Variants in TNR observed in about 807,000 individuals in gnomAD.
TNR encodes tenascin R.
Under a neutral mutation model 150.4 loss-of-function variants are expected in TNR, and 45 were observed. The ratio of observed to expected loss-of-function variants is 0.30; its 90% CI spans 0.24 to 0.38. The LOEUF (loss-of-function observed/expected upper bound fraction) is 0.38. Among genes scored for constraint, TNR ranks in the 10% least tolerant of loss-of-function variants. The pLI is 1.00. For missense variants in TNR, 1,544 were observed against 1,759.1 expected, an observed-to-expected ratio of 0.88 and a Z score of 2.19; for synonymous variants, 687 against 678.4, an observed-to-expected ratio of 1.01 and a Z score of -0.20.
intron 2 of TNR, among the ~76,000 whole-genome samples, chr1:175,470,420 A>G (rs1222553519): frequency 6.6e-6 from 1 of 152,188 alleles, no homozygotes; most frequent in Non-Finnish European, 1.5e-5. Flanking sequence ...GCATGCCACT[A>G]ATGTCAGGAG....
chr1:175,714,839 G>A (rs2206058), intron 1 of TNR, among the ~76,000 whole-genome samples: 96,495 of 151,644 alleles, frequency 0.64, 31,851 homozygotes, highest in South Asian at 0.8. Flanking sequence ...AGCCTGCGGG[G>A]AGCCTTGTGA....
rs149460831 is a variant in TNR at position 175,624,283 on chromosome 1, T to TGCTGG, written c.-164-95919_-164-95915dup. 4.7e-3 allele frequency among the ~76,000 whole-genome samples: 711 copies of TGCTGG among 152,304 alleles called. 5 individuals are homozygous for TGCTGG. Among genetic ancestry groups the TGCTGG allele is most frequent in the African/African-American group, 0.016 (667 of 41,562 alleles). The stretch of plus-strand genomic sequence containing the variant: ...CTGGAAATAGATGATAGAGAGTGTG[T>TGCTGG]GCTGGGTTGATCATGTCCCTTCCCT... On this transcript the variant is annotated intron_variant, in intron 1 of 22. Coordinates refer to ENST00000367674, the MANE Select transcript of TNR (RefSeq NM_003285.3).
chr1:175,477,578 T>C (rs898664816), intron 2 of TNR, among the ~76,000 whole-genome samples: 11 of 152,124 alleles, frequency 7.2e-5, no homozygotes, highest in African/African-American at 2.4e-4. Flanking sequence ...GAGTGCACCA[T>C]CTAATGAAAA....
At chr1:175,392,283 C>T (rs529441047) in intron 6 of TNR, among the ~76,000 whole-genome samples, 5 of 152,232 alleles carry the variant, frequency 3.3e-5, no homozygotes, top group South Asian at 4.1e-4. Context: ...AGGGCACTGC[C>T]ATTCTCCCCT....
intron 2 of TNR, among the ~76,000 whole-genome samples, chr1:175,464,806 A>G (rs1656960499): frequency 6.6e-6 from 1 of 152,078 alleles, no homozygotes; most frequent in Admixed American, 6.5e-5. Flanking sequence ...CATTGACAAT[A>G]TTTATTTATT....
chr1:175,438,298 T>G (rs1007625775), intron 2 of TNR, among the ~76,000 whole-genome samples: 32 of 152,290 alleles, frequency 2.1e-4, no homozygotes, highest in African/African-American at 7.7e-4. Context: ...TCTCAATAGA[T>G]GTAGAAAAGG....
At chr1:175,447,444 C>T (rs1297095856) in intron 2 of TNR, among the ~76,000 whole-genome samples, 1 of 152,192 alleles carries the variant, frequency 6.6e-6, no homozygotes, top group African/African-American at 2.4e-5. Context: ...GTTCTGCCTT[C>T]TTCCCGGCCC....
At chr1:175,367,133 G>A (rs1054374907) in intron 10 of TNR, 75 bp downstream of exon 10, 1 of 1,344,594 alleles carries the variant, frequency 7.4e-7, no homozygotes. Flanking sequence ...ATTAATTTTT[G>A]CTGGGACGAG....
intron 2 of TNR, among the ~76,000 whole-genome samples, chr1:175,455,055 C>T (rs973621571): frequency 2.0e-5 from 3 of 152,120 alleles, no homozygotes; most frequent in Non-Finnish European, 4.4e-5. Flanking sequence ...AATGCTGAGC[C>T]GCTACATAAG....
intron 2 of TNR, among the ~76,000 whole-genome samples, chr1:175,507,431 A>G (rs983236985): frequency 2.0e-5 from 3 of 152,220 alleles, no homozygotes; most frequent in African/African-American, 7.2e-5. Context: ...CCTATGTGCC[A>G]GGAATGTTAC....
At chr1:175,577,974 C>T (rs1662191013) in intron 1 of TNR, among the ~76,000 whole-genome samples, 1 of 152,192 alleles carries the variant, frequency 6.6e-6, no homozygotes, top group East Asian at 1.9e-4. Flanking sequence ...CCTCGGCTTC[C>T]TCCTCTGTAA....
chr1:175,526,657 A>T (rs1338971054), intron 2 of TNR, among the ~76,000 whole-genome samples: 1 of 152,218 alleles, frequency 6.6e-6, no homozygotes, highest in Non-Finnish European at 1.5e-5. Context: ...TTCTAATGTT[A>T]TTAAGGGCTC....
chr1:175,423,270 G>C (rs1232058785), intron 2 of TNR, among the ~76,000 whole-genome samples: 3 of 152,174 alleles, frequency 2.0e-5, no homozygotes, highest in Non-Finnish European at 4.4e-5. Flanking sequence ...TCCAGCTGTG[G>C]GGTCTTCTTT....
intron 1 of TNR, among the ~76,000 whole-genome samples, chr1:175,733,335 G>A (rs571564794): frequency 1.4e-4 from 21 of 152,302 alleles, no homozygotes; most frequent in African/African-American, 4.8e-4. Context: ...GGAACAGGGT[G>A]AGTGCAGAGA....
At chr1:175,638,759 C>A (rs189169086) in intron 1 of TNR, among the ~76,000 whole-genome samples, 117 of 152,282 alleles carry the variant, frequency 7.7e-4, no homozygotes, top group Non-Finnish European at 2.5e-4. Flanking sequence ...AAATCATCCA[C>A]CCATAGGGCT....
intron 1 of TNR, among the ~76,000 whole-genome samples, chr1:175,707,296 T>C (rs140669872): frequency 0.01 from 1,559 of 152,282 alleles, 11 homozygotes; most frequent in Non-Finnish European, 0.013. Flanking sequence ...ACTCTGAATG[T>C]TATGTGGATT....
chr1:175,386,017 C>T lies in TNR; in HGVS notation c.1777+15G>A, dbSNP rs1170847478. 1.3e-6 allele frequency: 2 copies of T among 1,551,842 alleles called. No individual in the cohort carries two copies. The highest frequency in any genetic ancestry group is 3.9e-5 in the Admixed American group (2 of 51,590). On this transcript the variant is annotated intron_variant, in intron 8 of 22. Transcript: ENST00000367674. ...CTTTCCCTCCTTGTGCGTCTCTCCC[C>T]CACCGCAGCCTTACCTGTTGTGAAC...
At chr1:175,497,651 AT>A (rs1414802665) in intron 2 of TNR, among the ~76,000 whole-genome samples, 1 of 152,180 alleles carries the variant, frequency 6.6e-6, no homozygotes, top group African/African-American at 2.4e-5. Context: ...GCAAGAAAGC[AT>A]GCTTCTGGGA....
intron 1 of TNR, among the ~76,000 whole-genome samples, chr1:175,660,327 G>A (rs572806596): frequency 3.3e-5 from 5 of 152,294 alleles, no homozygotes; most frequent in South Asian, 2.1e-4. Context: ...GCCCCAGCCC[G>A]CACATGGGCT....
Sources: gnomAD v4.1 joint callset for allele counts (sites outside exome capture counted in the v4.1 genomes callset) on GRCh38, gnomAD v4.1.1 for gene constraint, MANE v1.5 for transcripts, NCBI Gene and HGNC (gene_info 2026-07-23, HGNC 2026-07-21) for gene names.